PRELID3A: variants seen among roughly 807,000 people sequenced by gnomAD.
The protein encoded by PRELID3A is PRELI domain containing 3A, also known as PRELI domain containing protein 3A.
PRELID3A carries 27 observed loss-of-function variants against 23.0 expected under a neutral mutation model. That is an observed-to-expected ratio of 1.17 (90% CI 0.87 to 1.62). PRELID3A has a LOEUF of 1.62. Ranked by LOEUF, PRELID3A falls within the 40% of genes most tolerant of loss-of-function variation. PRELID3A has a pLI of 0.00. For synonymous variants in PRELID3A, 87 were observed against 86.4 expected, an observed-to-expected ratio of 1.01 and a Z score of -0.04; for missense variants, 231 against 231.4, an observed-to-expected ratio of 1.00 and a Z score of 0.01.
At chr18:12,428,987 G>A (rs973775306) in intron 5 of PRELID3A, among the ~76,000 whole-genome samples, 2 of 152,174 alleles carry the variant, frequency 1.3e-5, no homozygotes, top group Non-Finnish European at 2.9e-5. Flanking sequence ...ACAGCGGAGC[G>A]GCCTGAGGGC....
intron 3 of PRELID3A, 105 bp from the exon 4 acceptor site, chr18:12,426,936 G>C: frequency 1.3e-6 from 1 of 777,364 alleles, no homozygotes; most frequent in Admixed American, 2.0e-5. Flanking sequence ...AGTTTCTTCT[G>C]TTCTGGCCCC....
chr18:12,413,058 G>T (rs1387321490), intron 1 of PRELID3A, among the ~76,000 whole-genome samples: 5 of 152,174 alleles, frequency 3.3e-5, no homozygotes, highest in African/African-American at 1.2e-4. Context: ...CAAACATGCA[G>T]CTGGAAAAGG....
At chr18:12,426,355 C>A (rs1453295048) in intron 3 of PRELID3A, among the ~76,000 whole-genome samples, 20 of 150,734 alleles carry the variant, frequency 1.3e-4, no homozygotes, top group Non-Finnish European at 7.4e-5. Context: ...GAGATCGAGA[C>A]CATCCTGGCT....
At chr18:12,411,982 C>G (rs1227025257) in intron 1 of PRELID3A, among the ~76,000 whole-genome samples, 1 of 149,962 alleles carries the variant, frequency 6.7e-6, no homozygotes, top group Non-Finnish European at 1.5e-5. Context: ...GCAGTCTCGG[C>G]TCACTGCAAG....
At chr18:12,408,913 GAAGA>G (rs1167161038) in intron 1 of PRELID3A, among the ~76,000 whole-genome samples, 3 of 151,460 alleles carry the variant, frequency 2.0e-5, no homozygotes. Context: ...CAAATAAAAA[GAAGA>G]AAAAAGTGCC....
rs1051076833 is a variant in PRELID3A, at chr18:12,431,729, C to A, written c.*613C>A. On this transcript the variant is annotated 3_prime_UTR_variant, in exon 7 of 7. Transcript: ENST00000440960. The stretch of plus-strand genomic sequence containing the variant: ...CCTGGAGTGGCTAAGCCTCTCCTGA[C>A]GAGGCTCCTCATGCGGGGAGAGGGC... The A allele has an allele frequency of 6.6e-6, 1 of 152,346 alleles. No homozygotes were observed. The highest frequency in any genetic ancestry group is 1.9e-4 in the East Asian group (1 of 5,184). 9.4% of individuals were successfully genotyped at this position (152,346 alleles called of 1,614,324 possible).
At chr18:12,421,858 C>A (rs2030193219) in intron 3 of PRELID3A, among the ~76,000 whole-genome samples, 1 of 152,190 alleles carries the variant, frequency 6.6e-6, no homozygotes, top group African/African-American at 2.4e-5. Context: ...AACTAGCAGG[C>A]AGTTCAAGCA....
At chr18:12,420,068 T>C (rs112860307) in intron 1 of PRELID3A, 30,506 of 1,336,008 alleles carry the variant, frequency 0.023, 404 homozygotes, top group African/African-American at 0.029. Context: ...CACCACTGCA[T>C]TCCTGCCTGC....
intron 1 of PRELID3A, among the ~76,000 whole-genome samples, chr18:12,411,207 T>C (rs939693009): frequency 1.1e-4 from 17 of 150,850 alleles, no homozygotes; most frequent in Non-Finnish European, 2.9e-5. Flanking sequence ...GGCCAAAATA[T>C]AGAAAGGGGC....
intron 1 of PRELID3A, among the ~76,000 whole-genome samples, chr18:12,417,420 C>T (rs1208938765): frequency 7.2e-5 from 11 of 151,866 alleles, no homozygotes; most frequent in African/African-American, 2.4e-4. Flanking sequence ...GTGATCTGCC[C>T]GCCTCAGCCT....
chr18:12,408,669 G>T (rs1680926619), intron 1 of PRELID3A, among the ~76,000 whole-genome samples: 1 of 151,992 alleles, frequency 6.6e-6, no homozygotes, highest in African/African-American at 2.4e-5. Context: ...GACAAGTATC[G>T]CATGTTCCCA....
intron 5 of PRELID3A, among the ~76,000 whole-genome samples, chr18:12,427,651 C>T (rs1181462201): frequency 6.6e-6 from 1 of 151,656 alleles, no homozygotes; most frequent in Non-Finnish European, 1.5e-5. Context: ...GCTGAACCAC[C>T]ACTGCACTCC....
intron 1 of PRELID3A, among the ~76,000 whole-genome samples, chr18:12,416,753 C>A (rs570439892): frequency 6.6e-6 from 1 of 151,330 alleles, no homozygotes; most frequent in South Asian, 2.1e-4. Flanking sequence ...TCACGCCATT[C>A]TCCTGCCTCA....
chr18:12,410,587 C>G (rs1055288248), intron 1 of PRELID3A: 3 of 152,042 alleles, frequency 2.0e-5, no homozygotes, highest in Admixed American at 6.6e-5. Context: ...CCATTGAAAC[C>G]CCTGATTTTT....
chr18:12,424,988 C>CA (rs1269650417), intron 3 of PRELID3A, among the ~76,000 whole-genome samples: 1 of 152,040 alleles, frequency 6.6e-6, no homozygotes, highest in Non-Finnish European at 1.5e-5. Context: ...ACTAAAAATA[C>CA]AAAAATTAGC....
chr18:12,410,048 A>G (rs1219829822), intron 1 of PRELID3A, among the ~76,000 whole-genome samples: 1 of 152,146 alleles, frequency 6.6e-6, no homozygotes, highest in African/African-American at 2.4e-5. Context: ...TTCTGTTTCT[A>G]TGAATTTGCC....
intron 3 of PRELID3A, among the ~76,000 whole-genome samples, chr18:12,425,956 G>A (rs2030346243): frequency 6.6e-6 from 1 of 151,958 alleles, no homozygotes; most frequent in Admixed American, 6.6e-5. Context: ...TAAAAAAGAG[G>A]CCAGGTGTGG....
At chr18:12,420,096 C>T in intron 1 of PRELID3A, 1 of 1,412,158 alleles carries the variant, frequency 7.1e-7, no homozygotes, top group Non-Finnish European at 9.2e-7. Flanking sequence ...CAGAGTGAGA[C>T]CCTGTCTCAG....
chr18:12,420,205 C>G (rs2030111174), intron 1 of PRELID3A, 120 bp from the exon 2 acceptor site: 1 of 1,447,354 alleles, frequency 6.9e-7, no homozygotes, highest in East Asian at 2.5e-5. Context: ...GTCGGACCAG[C>G]CTTTCATTAA....
Sources: allele counts gnomAD v4.1 joint callset (sites outside exome capture counted in the v4.1 genomes callset), GRCh38; gene constraint gnomAD v4.1.1; transcripts MANE v1.5; gene names NCBI Gene and HGNC (gene_info 2026-07-23, HGNC 2026-07-21).